The following STK11IP variants were observed in gnomAD, a reference collection of about 807,000 sequenced individuals.
STK11IP encodes the protein serine/threonine-protein kinase 11-interacting protein.
Under a neutral mutation model 131.7 loss-of-function variants are expected in STK11IP, and 103 were observed. The observed-to-expected ratio is 0.78, with a 90% CI of 0.67 to 0.92. The LOEUF is 0.92. Among genes scored for constraint, STK11IP ranks in the 40% least tolerant of loss-of-function variants. The pLI is 0.00. For synonymous variants in STK11IP, 557 were observed against 575.6 expected, an observed-to-expected ratio of 0.97 and a Z score of 0.46; for missense variants, 1,315 against 1,385.7, an observed-to-expected ratio of 0.95 and a Z score of 0.81.
At position 219,606,002 on chromosome 2, in the gene STK11IP, C is replaced by A; in HGVS notation, c.792C>A (p.Asn264Lys). 1.2e-6 allele frequency: 2 copies of A among 1,609,848 alleles called. No individual in the cohort carries two copies. Among genetic ancestry groups the A allele is most frequent in the Non-Finnish European group, 1.7e-6 (2 of 1,178,202 alleles). Residue 264 changes from asparagine (N) to lysine (K), a missense_variant, in exon 9 of 25, where the codon AAC becomes AAA. Coordinates refer to ENST00000456909, the MANE Select transcript of STK11IP (RefSeq NM_052902.4). ...TGCGGCACCTGGATTTGGCATACAACCTGCTGGAAGGACACCGGGAGCTGT... is the reference window on the plus strand; with the variant it reads ...TGCGGCACCTGGATTTGGCATACAAACTGCTGGAAGGACACCGGGAGCTGT... ...RNLRHLDLAY[N>K]LLEGHRELSP...
chr2:219,607,013 G>T, intron 12 of STK11IP, 40 bp from the exon 13 acceptor site: 1 of 1,613,202 alleles, frequency 6.2e-7, no homozygotes, highest in Non-Finnish European at 8.5e-7. Flanking sequence ...AGGGCTGGAG[G>T]CTTGGCTTTC....
chr2:219,613,154 TG>T lies in STK11IP; in HGVS notation c.2470del (p.Glu824SerfsTer16). On this transcript the variant is annotated frameshift_variant, in exon 20 of 25. Coordinates refer to ENST00000456909, the MANE Select transcript of STK11IP (RefSeq NM_052902.4). LOFTEE classifies it high-confidence loss of function. ...KVPVALAGHTGEFMCLVVVSD... is the reference protein window; with the variant it reads ...KVPVALAGHTXEFMCLVVVSD... ...TGCCAGTGGCATTGGCAGGCCACAC[TG>T]GGGAGTTCATGTGCCTTGTGGTTGT... is the stretch of plus-strand genomic sequence containing the variant. The T allele has an allele frequency of 2.5e-6, 4 of 1,610,704 alleles. No homozygotes were observed. Among genetic ancestry groups the T allele is most frequent in the Non-Finnish European group, 3.4e-6 (4 of 1,178,836 alleles).
rs1411292810 is a variant in STK11IP at position 219,613,885 on chromosome 2, C to T, written c.2671C>T (p.Pro891Ser). The change falls in exon 21 of 25, where the codon CCC (proline) becomes TCC (serine). Residue 891 changes from proline to serine, a missense_variant. Coordinates refer to ENST00000456909, the MANE Select transcript of STK11IP (RefSeq NM_052902.4). ...TGGGGCGGGCCGCTGTGTGCTGCTGCCCCGAGATGCCAGGCATTGCCGGGC... is the reference window on the plus strand; with the variant it reads ...TGGGGCGGGCCGCTGTGTGCTGCTGTCCCGAGATGCCAGGCATTGCCGGGC... ...AAGAGRCVLLPRDARHCRAFL... is the reference protein window; with the variant it reads ...AAGAGRCVLLSRDARHCRAFL... The T allele has an allele frequency of 6.2e-7, 1 of 1,611,004 alleles. No homozygotes were observed. The highest frequency in any genetic ancestry group is 2.2e-5 in the East Asian group (1 of 44,832).
chr2:219,611,583 C>T (rs1424858761), intron 17 of STK11IP, 21 bp from the exon 18 acceptor site: 6 of 1,591,218 alleles, frequency 3.8e-6, no homozygotes, highest in Non-Finnish European at 5.2e-6. Context: ...CTCATGGGGA[C>T]CGTGTCCATC....
rs761188152 is a variant in STK11IP, at chr2:219,602,535, A to G, written c.506A>G (p.Asn169Ser). The G allele has an allele frequency of 3.7e-6, 6 of 1,613,868 alleles. No individual in the cohort carries two copies. Among genetic ancestry groups the G allele is most frequent in the African/African-American group, 2.7e-5 (2 of 74,926 alleles). ...CCTTGGCTGGCTCTGCTTTCTGCCA[A>G]CTTCAGCTACAATGCACTGACCGCC... Reference protein sequence around the residue: ...ALPWLALLSANFSYNALTALD... With the variant: ...ALPWLALLSASFSYNALTALD... Residue 169 changes from asparagine (N) to serine (S), a missense_variant, in exon 6 of 25, where the codon AAC (asparagine) becomes AGC (serine). Physicochemically the swap from Asn to Ser is conservative, Grantham distance 46 (BLOSUM62 1). Coordinates refer to ENST00000456909, the MANE Select transcript of STK11IP (RefSeq NM_052902.4).
At position 219,608,571 on chromosome 2, in the gene STK11IP, G is replaced by A. The variant is rs1559182800; in HGVS notation, c.1604-12G>A. The A allele has an allele frequency of 1.3e-6, 2 of 1,570,882 alleles. No individual in the cohort carries two copies. The highest frequency in any genetic ancestry group is 1.2e-5 in the South Asian group (1 of 84,750). On this transcript the variant is annotated splice_polypyrimidine_tract_variant and intron_variant, in intron 14 of 24. Coordinates refer to ENST00000456909, the MANE Select transcript of STK11IP (RefSeq NM_052902.4). ...CCCTCCCTGCAGGCCTTTTCTCTTG[G>A]TCTCTCCACAGCGGAACTCTGTCGC...
At chr2:219,606,110 C>T (rs371351593) in intron 9 of STK11IP, 51 bp downstream of exon 9, 12 of 1,545,728 alleles carry the variant, frequency 7.8e-6, no homozygotes, top group Admixed American at 5.8e-5. Flanking sequence ...CACGTACCCC[C>T]CCATGCTGGT....
chr2:219,610,497 G>A (rs1190334468), intron 17 of STK11IP, among the ~76,000 whole-genome samples: 1 of 152,074 alleles, frequency 6.6e-6, no homozygotes, highest in Non-Finnish European at 1.5e-5. Flanking sequence ...CTGCCTTCCG[G>A]GTTCACGCCA....
rs1487516046 is a variant in STK11IP at position 219,607,080 on chromosome 2, A to G, written c.1162A>G (p.Ile388Val). Residue 388 changes from isoleucine to valine, a missense_variant, in exon 13 of 25, where the codon ATC (isoleucine) becomes GTC (valine). Physicochemically the swap from Ile to Val is conservative, Grantham distance 29. Coordinates refer to ENST00000456909, the MANE Select transcript of STK11IP (RefSeq NM_052902.4). ...KSRVRVRRAS[I>V]SEPSDTDPEP... is the part of the protein sequence containing the mutation. ...CCGAGTCCGTGTGAGGCGGGCAAGC[A>G]TCTCTGAACCCAGTGATACGGACCC... 5 of 1,613,912 alleles carry G rather than the reference A, an allele frequency of 3.1e-6. No individual in the cohort carries two copies. The East Asian group carries it at 1.1e-4, about 36-fold the overall frequency.
chr2:219,606,366 C>T lies in STK11IP; in HGVS notation c.945+76C>T, dbSNP rs756062723. On this transcript the variant is annotated intron_variant, in intron 10 of 24. Coordinates refer to ENST00000456909, the MANE Select transcript of STK11IP (RefSeq NM_052902.4). ...CCCCCACCTTGCACCCTCTTGCCAT[C>T]CCTGGGTGAGGGGCCAAGGACCTGG... The T allele has an allele frequency of 5.2e-6, 8 of 1,543,220 alleles. No individual in the cohort carries two copies. The South Asian group carries it at 9.5e-5, about 18-fold the overall frequency.
At chr2:219,614,297 G>A (rs1698503562) in intron 22 of STK11IP, 55 bp downstream of exon 22, 4 of 1,600,446 alleles carry the variant, frequency 2.5e-6, no homozygotes, top group Admixed American at 3.3e-5. Flanking sequence ...TTTCCACAGA[G>A]CCCCAGACAT....
intron 3 of STK11IP, 95 bp from the exon 4 acceptor site, chr2:219,601,546 G>A (rs964828853): frequency 7.1e-6 from 11 of 1,553,082 alleles, no homozygotes; most frequent in Non-Finnish European, 8.7e-6. Flanking sequence ...GATCCAGAGG[G>A]TGTCAGAGGT....
intron 23 of STK11IP, 125 bp from the exon 24 acceptor site, chr2:219,614,969 A>G: frequency 8.4e-7 from 1 of 1,191,662 alleles, no homozygotes; most frequent in South Asian, 1.6e-5. Context: ...CCAGGGGCAC[A>G]GGCTGCTTTG....
At chr2:219,603,799 T>C (rs999886971) in intron 7 of STK11IP, among the ~76,000 whole-genome samples, 1 of 152,032 alleles carries the variant, frequency 6.6e-6, no homozygotes, top group Non-Finnish European at 1.5e-5. Flanking sequence ...GGATTACAGG[T>C]GTGAGCCACC....
At chr2:219,598,509 G>A (rs1368863773) in intron 2 of STK11IP, 1 of 252,342 alleles carries the variant, frequency 4.0e-6, no homozygotes, top group Non-Finnish European at 7.5e-6. Context: ...TGTGTAGCAA[G>A]GTACTAAATA....
At chr2:219,614,792 A>C in intron 23 of STK11IP, 2 of 673,716 alleles carry the variant, frequency 3.0e-6, no homozygotes, top group Non-Finnish European at 2.7e-6. Flanking sequence ...CAGGCTTTCT[A>C]TGAAGTGGAG....
At position 219,613,880 on chromosome 2, in the gene STK11IP, T is replaced by G; in HGVS notation, c.2666T>G (p.Leu889Arg). 6.5e-7 allele frequency: 1 copy of G among 1,535,860 alleles called. No homozygotes were observed. Among genetic ancestry groups the G allele is most frequent in the South Asian group, 1.1e-5 (1 of 89,918 alleles). Reference sequence around the variant, plus strand: ...GCAGCTGGGGCGGGCCGCTGTGTGCTGCTGCCCCGAGATGCCAGGCATTGC... The same window carrying G: ...GCAGCTGGGGCGGGCCGCTGTGTGCGGCTGCCCCGAGATGCCAGGCATTGC... ...EWAAGAGRCVLLPRDARHCRA... is the reference protein window; with the variant it reads ...EWAAGAGRCVRLPRDARHCRA... Residue 889 changes from leucine (L) to arginine (R), a missense_variant, in exon 21 of 25, where the codon CTG becomes CGG. Physicochemically the swap from Leu to Arg is moderately radical, Grantham distance 102. Coordinates refer to ENST00000456909, the MANE Select transcript of STK11IP (RefSeq NM_052902.4).
Position 219,611,645 on chromosome 2 carries a change from G to A in STK11IP, c.2146G>A (p.Val716Ile). The change falls in exon 18 of 25, where the codon GTT becomes ATT. Residue 716 changes from valine (V) to isoleucine (I), a missense_variant. Coordinates refer to ENST00000456909, the MANE Select transcript of STK11IP (RefSeq NM_052902.4). Reference protein sequence around the residue: ...VCPNCGSDHVVLLAVSRGTPN... With the variant: ...VCPNCGSDHVILLAVSRGTPN... Reference sequence around the variant, plus strand: ...TCCTAACTGTGGTAGTGACCACGTGGTTCTCCTCGCTGTGTCTCGGGGAAC... The same window carrying A: ...TCCTAACTGTGGTAGTGACCACGTGATTCTCCTCGCTGTGTCTCGGGGAAC... The A allele has an allele frequency of 6.2e-7, 1 of 1,613,146 alleles. No individual in the cohort carries two copies.
At chr2:219,601,112 A>T (rs1314376513) in intron 2 of STK11IP, 123 bp from the exon 3 acceptor site, 7 of 736,646 alleles carry the variant, frequency 9.5e-6, no homozygotes, top group Non-Finnish European at 1.5e-5. Flanking sequence ...AGAAAATTTG[A>T]TCCTGCAATA....
Sources: allele counts gnomAD v4.1 joint callset (sites outside exome capture counted in the v4.1 genomes callset), GRCh38; gene constraint gnomAD v4.1.1; transcripts MANE v1.5; gene names NCBI Gene and HGNC (gene_info 2026-07-23, HGNC 2026-07-21).